The following ZFP82 variants were observed in gnomAD, a reference collection of about 807,000 sequenced individuals.
The protein encoded by ZFP82 is ZFP82 zinc finger protein.
Under a neutral mutation model 54.0 loss-of-function variants are expected in ZFP82, and 30 were observed. The ratio of observed to expected loss-of-function variants is 0.56; its 90% CI spans 0.42 to 0.75. ZFP82 has a LOEUF of 0.75. Ranked by LOEUF, ZFP82 falls within the 30% of genes least tolerant of loss-of-function variation. The probability of loss-of-function intolerance (pLI) is 0.00; values close to 1 mark genes in which losing one functional copy is unlikely to be tolerated. For synonymous variants in ZFP82, 194 were observed against 209.5 expected (o/e 0.93, Z 0.64); for missense variants, 500 against 636.8 (o/e 0.79, Z 2.31).
downstream of ZFP82, among the ~76,000 whole-genome samples, chr19:36,386,793 T>C (rs1325231057): frequency 6.6e-6 from 1 of 152,092 alleles, no homozygotes; most frequent in Non-Finnish European, 1.5e-5. Context: ...AAAAATTAGC[T>C]GGGCATGGTG....
chr19:36,410,043 G>A (rs745546301), intron 1 of ZFP82, among the ~76,000 whole-genome samples, 176 bp from the exon 2 acceptor site: 12 of 152,120 alleles, frequency 7.9e-5, no homozygotes, highest in African/African-American at 1.7e-4. Context: ...GAGTCTGGAC[G>A]AGTCTAATCC....
Position 36,389,580 on chromosome 19 carries a change from CAT to C in ZFP82, c.*3159_*3160del, listed in dbSNP as rs1176590450. 6.6e-6 allele frequency among the ~76,000 whole-genome samples: 1 copy of C among 152,176 alleles called. No individual in the cohort carries two copies. The highest frequency in any genetic ancestry group is 2.4e-5 in the African/African-American group (1 of 41,432). ...TATGAATCTCTAACACTTAAGGACTCATACACATATACCCATAATGCCATAGT... is the reference window on the plus strand; with the variant it reads ...TATGAATCTCTAACACTTAAGGACTCACACATATACCCATAATGCCATAGT... On this transcript the variant is annotated 3_prime_UTR_variant, in exon 5 of 5. Transcript: ENST00000392161.
chr19:36,410,287 A>T (rs1420078395), intron 1 of ZFP82, among the ~76,000 whole-genome samples: 2 of 152,180 alleles, frequency 1.3e-5, no homozygotes, highest in Non-Finnish European at 2.9e-5. Flanking sequence ...AATCAGAATC[A>T]TCCACATTGT....
Position 36,389,560 on chromosome 19 carries a change from A to G in ZFP82, c.*3181T>C, listed in dbSNP as rs2032160006. 6.6e-6 allele frequency among the ~76,000 whole-genome samples: 1 copy of G among 152,200 alleles called. No homozygotes were observed. Among genetic ancestry groups the G allele is most frequent in the Non-Finnish European group, 1.5e-5 (1 of 68,036 alleles). On this transcript the variant is annotated 3_prime_UTR_variant, in exon 5 of 5. Transcript: ENST00000392161. Reference sequence around the variant, plus strand: ...TTCAGCCTTAAATACCTCAGTATGAATCTCTAACACTTAAGGACTCATACA... The same window carrying G: ...TTCAGCCTTAAATACCTCAGTATGAGTCTCTAACACTTAAGGACTCATACA...
At chr19:36,403,944 G>C (rs1017230329) in intron 4 of ZFP82, among the ~76,000 whole-genome samples, 3 of 152,058 alleles carry the variant, frequency 2.0e-5, no homozygotes, top group Admixed American at 1.3e-4. Context: ...GGGAAAAAAG[G>C]CTTCTCTGAC....
chr19:36,394,302 T>C (rs563941299), intron 4 of ZFP82, 192 bp from the exon 5 acceptor site: 76 of 565,770 alleles, frequency 1.3e-4, no homozygotes, highest in Non-Finnish European at 1.8e-4. Context: ...AATAGCAAGA[T>C]TGGTGATGAA....
chr19:36,417,311 G>A (rs1365821098), intron 1 of ZFP82, among the ~76,000 whole-genome samples: 2 of 151,982 alleles, frequency 1.3e-5, no homozygotes, highest in African/African-American at 2.4e-5. Flanking sequence ...TTTACACATA[G>A]TAATTAAAAG....
In ZFP82 at chr19:36,393,032, T is replaced by C; in HGVS notation, c.1308A>G (p.Gln436=). Reference sequence around the variant, plus strand: ...TATGAATACTCTGATGCTGTGTGAGTTGTGAAAGTAGTCTGAAGGCCTTCC... The same window carrying C: ...TATGAATACTCTGATGCTGTGTGAGCTGTGAAAGTAGTCTGAAGGCCTTCC... ...ECGKAFRLLS[Q]LTQHQSIHIG... Residue 436 remains glutamine, a synonymous_variant, in exon 5 of 5, where the codon CAA becomes CAG. Transcript: ENST00000392161. The C allele has an allele frequency of 6.2e-7, 1 of 1,614,136 alleles. No homozygotes were observed.
chr19:36,405,354 A>G (rs534404167), intron 4 of ZFP82, among the ~76,000 whole-genome samples: 1 of 152,156 alleles, frequency 6.6e-6, no homozygotes, highest in Non-Finnish European at 1.5e-5. Context: ...AATGGGACAA[A>G]TAAGTGCTTC....
rs2032146888 is a variant in ZFP82, at chr19:36,388,834, A to G, written c.*3907T>C. 6.6e-6 allele frequency among the ~76,000 whole-genome samples: 1 copy of G among 152,104 alleles called. No homozygotes were observed. Among genetic ancestry groups the G allele is most frequent in the Non-Finnish European group, 1.5e-5 (1 of 68,018 alleles). ...AAGTTAATCCTTATTTTTTCCCATAAATTGCCTGTTATGTGACAGGCACTG... is the reference window on the plus strand; with the variant it reads ...AAGTTAATCCTTATTTTTTCCCATAGATTGCCTGTTATGTGACAGGCACTG... On this transcript the variant is annotated 3_prime_UTR_variant, in exon 5 of 5. Transcript: ENST00000392161.
intron 1 of ZFP82, among the ~76,000 whole-genome samples, chr19:36,414,411 T>C (rs1003164122): frequency 1.3e-5 from 2 of 150,344 alleles, no homozygotes; most frequent in African/African-American, 4.9e-5. Context: ...GTCGCCAGGC[T>C]GGAATGCAGT....
chr19:36,403,890 T>C (rs539413397), intron 4 of ZFP82, among the ~76,000 whole-genome samples: 1 of 152,288 alleles, frequency 6.6e-6, no homozygotes, highest in South Asian at 2.1e-4. Flanking sequence ...CATATCATTT[T>C]TGTAGTCTTT....
At chr19:36,414,828 T>TC (rs1471611146) in intron 1 of ZFP82, among the ~76,000 whole-genome samples, 1 of 151,142 alleles carries the variant, frequency 6.6e-6, no homozygotes, top group Non-Finnish European at 1.5e-5. Flanking sequence ...TTAAATACTT[T>TC]TTTTTTTTTT....
chr19:36,396,103 A>T (rs1391882505), intron 4 of ZFP82: 1 of 145,754 alleles, frequency 6.9e-6, no homozygotes, highest in Non-Finnish European at 1.5e-5. Flanking sequence ...ACAGGGTTTC[A>T]CCATGTTGGC....
downstream of ZFP82, among the ~76,000 whole-genome samples, chr19:36,387,383 A>T (rs945393991): frequency 1.3e-5 from 2 of 152,200 alleles, no homozygotes; most frequent in Non-Finnish European, 1.5e-5. Flanking sequence ...TGATTGGTCC[A>T]TGAGGACTCT....
downstream of ZFP82, among the ~76,000 whole-genome samples, chr19:36,388,556 G>T (rs900836733): frequency 6.6e-6 from 1 of 151,508 alleles, no homozygotes; most frequent in African/African-American, 2.4e-5. Context: ...TAGTAATACT[G>T]AAACATTGAA....
chr19:36,415,810 A>C (rs927579848), intron 1 of ZFP82, among the ~76,000 whole-genome samples: 1 of 152,234 alleles, frequency 6.6e-6, no homozygotes, highest in Non-Finnish European at 1.5e-5. Context: ...AAAATAAACA[A>C]CAGTGTGGCA....
At position 36,409,811 on chromosome 19, in the gene ZFP82, G is replaced by A. The variant is rs1002939856; in HGVS notation, c.-22C>T. The A allele has an allele frequency of 7.4e-6, 12 of 1,613,708 alleles. No homozygotes were observed. The highest frequency in any genetic ancestry group is 1.0e-5 in the Non-Finnish European group (12 of 1,179,864). The stretch of plus-strand genomic sequence containing the variant: ...CCATGGTATAGAAATTCAAGAACTG[G>A]TCAGTCCTCCTTGGGGTTTACTTGC... On this transcript the variant is annotated 5_prime_UTR_variant, in exon 2 of 5. Transcript: ENST00000392161.
At chr19:36,414,342 T>C (rs2032631804) in intron 1 of ZFP82, among the ~76,000 whole-genome samples, 1 of 151,488 alleles carries the variant, frequency 6.6e-6, no homozygotes, top group Non-Finnish European at 1.5e-5. Context: ...ATGTTAGAAC[T>C]AGGCTTGAAA....
Sources: gnomAD v4.1 joint callset for allele counts (sites outside exome capture counted in the v4.1 genomes callset) on GRCh38, gnomAD v4.1.1 for gene constraint, MANE v1.5 for transcripts, NCBI Gene and HGNC (gene_info 2026-07-23, HGNC 2026-07-21) for gene names.